ATRNL1: variants seen among roughly 807,000 people sequenced by gnomAD.
The protein encoded by ATRNL1 is attractin like 1.
Under a neutral mutation model 182.7 loss-of-function variants are expected in ATRNL1, and 95 were observed. That is an observed-to-expected ratio of 0.52 (90% CI 0.44 to 0.62). ATRNL1 has a LOEUF of 0.62. Ranked by LOEUF, ATRNL1 falls within the 20% of genes least tolerant of loss-of-function variation. The pLI, the probability that ATRNL1 is intolerant of heterozygous loss-of-function variation, is 0.00. For synonymous variants in ATRNL1, 576 were observed against 568.3 expected, an observed-to-expected ratio of 1.01 and a Z score of -0.19; for missense variants, 1,471 against 1,679.5, an observed-to-expected ratio of 0.88 and a Z score of 2.17.
chr10:115,408,467 C>T (rs940942745), intron 20 of ATRNL1, among the ~76,000 whole-genome samples: 1 of 152,148 alleles, frequency 6.6e-6, no homozygotes, highest in African/African-American at 2.4e-5. Flanking sequence ...CTTATGTATT[C>T]TGGCTCTTAA....
chr10:115,308,431 G>T (rs1257722133), intron 17 of ATRNL1, among the ~76,000 whole-genome samples: 1 of 151,932 alleles, frequency 6.6e-6, no homozygotes, highest in Non-Finnish European at 1.5e-5. Flanking sequence ...TGAGGATAAG[G>T]TGTTATCTCA....
rs544278217 is a variant in ATRNL1 at position 115,736,925 on chromosome 10, G to C, written c.3903+9570G>C. Among the ~76,000 whole-genome samples, 9 of 152,096 alleles carry C rather than the reference G, an allele frequency of 5.9e-5. No individual in the cohort carries two copies. In the South Asian group the frequency reaches 1.9e-3, roughly 32 times the overall value. On this transcript the variant is annotated intron_variant, in intron 27 of 28. Coordinates refer to ENST00000355044, the MANE Select transcript of ATRNL1 (RefSeq NM_207303.4). ...TGGGACTACAGGTGTGTGCCTCCAT[G>C]CCTGGCTAATTTTTGTATTTTCAAA...
At chr10:115,532,774 G>A (rs111352763) in intron 25 of ATRNL1, among the ~76,000 whole-genome samples, 4,176 of 151,696 alleles carry the variant, frequency 0.028, 220 homozygotes, top group African/African-American at 0.097. Context: ...GTCATAGATA[G>A]CTCTTATTAT....
At chr10:115,529,911 T>C (rs1851464895) in intron 25 of ATRNL1, among the ~76,000 whole-genome samples, 1 of 152,140 alleles carries the variant, frequency 6.6e-6, no homozygotes, top group Non-Finnish European at 1.5e-5. Context: ...CCCCTAGTTC[T>C]GAAAAATCAC....
intron 27 of ATRNL1, among the ~76,000 whole-genome samples, chr10:115,783,279 G>A (rs1479435784): frequency 6.6e-6 from 1 of 151,822 alleles, no homozygotes; most frequent in African/African-American, 2.4e-5. Context: ...TTAAGGGCAG[G>A]TAGTAAAGAG....
At position 115,302,837 on chromosome 10, in the gene ATRNL1, C is replaced by T. The variant is rs146633793; in HGVS notation, c.2818+794C>T. On this transcript the variant is annotated intron_variant, in intron 17 of 28. Transcript: ENST00000355044. ...TGTTAGCCTTGTAGGAACTTAAGAC[C>T]GTGTGAAACTCTTTCTGCTTGGGAG... Among the ~76,000 whole-genome samples the T allele has an allele frequency of 7.2e-3, 997 of 138,388 alleles. 11 individuals are homozygous for T. Among genetic ancestry groups the T allele is most frequent in the African/African-American group, 0.033 (940 of 28,680 alleles). 90.8% of individuals were successfully genotyped at this position (138,388 alleles called of 152,430 possible).
intron 26 of ATRNL1, among the ~76,000 whole-genome samples, chr10:115,594,346 C>A (rs528576781): frequency 1.3e-5 from 2 of 152,048 alleles, no homozygotes; most frequent in Admixed American, 6.5e-5. Flanking sequence ...ATTTTATGAG[C>A]TTTTCTTTTT....
At chr10:115,536,501 A>C (rs1852016725) in intron 25 of ATRNL1, among the ~76,000 whole-genome samples, 1 of 152,168 alleles carries the variant, frequency 6.6e-6, no homozygotes, top group Non-Finnish European at 1.5e-5. Flanking sequence ...CTGATTTTCC[A>C]GGTGCCGTCT....
chr10:115,644,023 G>C (rs1015159871), intron 26 of ATRNL1, among the ~76,000 whole-genome samples: 1 of 152,156 alleles, frequency 6.6e-6, no homozygotes, highest in African/African-American at 2.4e-5. Flanking sequence ...AACGTTTGTA[G>C]TGGCTTTATT....
chr10:115,621,161 A>G, intron 26 of ATRNL1, among the ~76,000 whole-genome samples: 1 of 151,382 alleles, frequency 6.6e-6, no homozygotes, highest in East Asian at 1.9e-4. Flanking sequence ...TAGGCAGAAG[A>G]AAAACAATAC....
At chr10:115,447,867 A>G (rs373061473) in intron 21 of ATRNL1, among the ~76,000 whole-genome samples, 3 of 152,180 alleles carry the variant, frequency 2.0e-5, no homozygotes, top group Non-Finnish European at 2.9e-5. Context: ...ATCATGGTAT[A>G]CAATAATTTT....
At chr10:115,409,069 A>G (rs1277067506) in intron 20 of ATRNL1, among the ~76,000 whole-genome samples, 1 of 152,144 alleles carries the variant, frequency 6.6e-6, no homozygotes, top group African/African-American at 2.4e-5. Flanking sequence ...CTGAGGTTCT[A>G]TACAAATTTT....
rs1592700016 is a variant in ATRNL1 at position 115,467,191 on chromosome 10, T to G, written c.3435T>G (p.Asp1145Glu). ...TCTGGTAGTCGAACAAAAATCTGGA[T>G]ATATCAATTAATGCATCAAACAACT... is the stretch of plus-strand genomic sequence containing the variant. ...ANPEQSNKNL[D>E]ISINASNNFN... Residue 1145 changes from aspartate to glutamate, a missense_variant, in exon 23 of 29, where the codon GAT becomes GAG. This residue lies in a region of ATRNL1 where 437 missense variants were observed against 506.0 expected (regional missense o/e 0.86). Transcript: ENST00000355044. The G allele has an allele frequency of 6.2e-7, 1 of 1,604,234 alleles. No homozygotes were observed. The highest frequency in any genetic ancestry group is 2.3e-5 in the East Asian group (1 of 44,296).
chr10:115,897,140 C>T (rs1001671253), intron 28 of ATRNL1, among the ~76,000 whole-genome samples: 1 of 152,088 alleles, frequency 6.6e-6, no homozygotes, highest in Non-Finnish European at 1.5e-5. Flanking sequence ...TACATACATA[C>T]ATACATCCCA....
At chr10:115,523,348 C>T (rs1341301127) in intron 25 of ATRNL1, among the ~76,000 whole-genome samples, 1 of 152,144 alleles carries the variant, frequency 6.6e-6, no homozygotes, top group Non-Finnish European at 1.5e-5. Context: ...CAGGGTCTTT[C>T]CCCCATTGTC....
chr10:115,440,583 C>G (rs1554965525), intron 21 of ATRNL1, among the ~76,000 whole-genome samples: 6 of 151,866 alleles, frequency 4.0e-5, no homozygotes, highest in Non-Finnish European at 8.8e-5. Context: ...TTTCCTAGTG[C>G]CCTGCTGTCT....
intron 26 of ATRNL1, among the ~76,000 whole-genome samples, chr10:115,633,759 T>C (rs11197362): frequency 0.17 from 26,343 of 152,144 alleles, 2,884 homozygotes; most frequent in East Asian, 0.26. Flanking sequence ...TTTAGCTATC[T>C]ACCAAGTCCT....
chr10:115,373,256 G>C (rs563057275), intron 19 of ATRNL1, among the ~76,000 whole-genome samples: 1 of 152,110 alleles, frequency 6.6e-6, no homozygotes, highest in South Asian at 2.1e-4. Context: ...TATTTCTAAT[G>C]GGTTTTTGGT....
intron 28 of ATRNL1, among the ~76,000 whole-genome samples, chr10:115,902,131 T>C (rs1952373249): frequency 6.6e-6 from 1 of 152,220 alleles, no homozygotes; most frequent in Admixed American, 6.5e-5. Flanking sequence ...TCAATGACTT[T>C]ACACTGTTAA....
Sources: allele counts gnomAD v4.1 joint callset (sites outside exome capture counted in the v4.1 genomes callset), GRCh38; gene constraint gnomAD v4.1.1; regional missense constraint gnomAD v4.1.1; transcripts MANE v1.5; gene names NCBI Gene and HGNC (gene_info 2026-07-23, HGNC 2026-07-21).